RTN1: variants seen among roughly 807,000 people sequenced by gnomAD.
RTN1 encodes the protein reticulon 1.
A neutral mutation model predicts 65.5 loss-of-function variants in RTN1; 25 were observed. The ratio of observed to expected loss-of-function variants is 0.38; its 90% CI spans 0.28 to 0.53. The LOEUF is 0.53. Ranked by LOEUF, RTN1 falls within the 20% of genes least tolerant of loss-of-function variation. The pLI is 0.79. For synonymous variants in RTN1, 471 were observed against 447.6 expected (o/e 1.05, Z -0.66); for missense variants, 983 against 1,025.4 (o/e 0.96, Z 0.57).
rs528820466 is a variant in RTN1, at chr14:59,845,663, C to A, written c.241+24727G>T. 1.8e-4 allele frequency among the ~76,000 whole-genome samples: 28 copies of A among 152,306 alleles called. No homozygotes were observed. In the South Asian group the frequency reaches 5.6e-3, roughly 30 times the overall value. ...ATAAAATCTAAAGTTCCTACTATGGCCTGTTCACCAACCCATTCTCAGCTA... is the reference window on the plus strand; with the variant it reads ...ATAAAATCTAAAGTTCCTACTATGGACTGTTCACCAACCCATTCTCAGCTA... On this transcript the variant is annotated intron_variant, in intron 1 of 8. Coordinates refer to ENST00000267484, the MANE Select transcript of RTN1 (RefSeq NM_021136.3).
chr14:59,684,939 T>C (rs1024638718), intron 3 of RTN1, among the ~76,000 whole-genome samples: 5 of 152,058 alleles, frequency 3.3e-5, no homozygotes, highest in Non-Finnish European at 7.4e-5. Context: ...CCATTCTTTA[T>C]TCTCTCCACT....
intron 3 of RTN1, among the ~76,000 whole-genome samples, chr14:59,617,189 G>T (rs1236094578): frequency 6.6e-6 from 1 of 152,202 alleles, no homozygotes; most frequent in Admixed American, 6.5e-5. Flanking sequence ...ATTAAAGCCC[G>T]TTGGGGAATC....
intron 1 of RTN1, among the ~76,000 whole-genome samples, chr14:59,758,708 T>C (rs1432432801): frequency 2.0e-5 from 3 of 152,224 alleles, no homozygotes; most frequent in Non-Finnish European, 4.4e-5. Flanking sequence ...TTCTATATAC[T>C]TGTTAAGAAA....
At chr14:59,626,464 C>G (rs532954382) in intron 3 of RTN1, among the ~76,000 whole-genome samples, 1 of 152,314 alleles carries the variant, frequency 6.6e-6, no homozygotes, top group African/African-American at 2.4e-5. Context: ...ATCAACCATA[C>G]TACTAAGCAT....
rs1885300093 is a variant in RTN1, at chr14:59,749,134, A to ATATATATATC, written c.242-2654_242-2653insGATATATATA. On this transcript the variant is annotated intron_variant, in intron 1 of 8. Coordinates refer to ENST00000267484, the MANE Select transcript of RTN1 (RefSeq NM_021136.3). The stretch of plus-strand genomic sequence containing the variant: ...TATATATATATATATAGATATATCT[A>ATATATATATC]TATCTATCTATCTATCTATCTATAT... Among the ~76,000 whole-genome samples the ATATATATATC allele has an allele frequency of 4.6e-5, 3 of 64,938 alleles. 1 individual carries two copies. Among genetic ancestry groups the ATATATATATC allele is most frequent in the African/African-American group, 2.3e-4 (3 of 12,988 alleles). The allele number at this position is 64,938 out of a possible 152,430, so 42.6% of individuals were successfully genotyped here.
chr14:59,656,335 A>T (rs760347086), intron 3 of RTN1, among the ~76,000 whole-genome samples: 1 of 152,216 alleles, frequency 6.6e-6, no homozygotes, highest in Non-Finnish European at 1.5e-5. Context: ...AACTTTTAAA[A>T]GGGTATGTTT....
At chr14:59,754,959 A>G (rs2139534886) in intron 1 of RTN1, among the ~76,000 whole-genome samples, 1 of 152,300 alleles carries the variant, frequency 6.6e-6, no homozygotes, top group East Asian at 1.9e-4. Context: ...GAACGTGATG[A>G]TGCCTGACTT....
chr14:59,867,320 G>C (rs1420678974), intron 1 of RTN1, among the ~76,000 whole-genome samples: 1 of 152,170 alleles, frequency 6.6e-6, no homozygotes, highest in Non-Finnish European at 1.5e-5. Flanking sequence ...AAAGTTATTA[G>C]ATGATGGCAC....
intron 3 of RTN1, among the ~76,000 whole-genome samples, chr14:59,618,312 T>G (rs542558474): frequency 2.0e-5 from 3 of 152,240 alleles, no homozygotes; most frequent in African/African-American, 7.2e-5. Flanking sequence ...GATCAGTGCT[T>G]GAGATATTTT....
At position 59,768,830 on chromosome 14, in the gene RTN1, C is replaced by T. The variant is rs942234724; in HGVS notation, c.242-22349G>A. 2.0e-5 allele frequency among the ~76,000 whole-genome samples: 3 copies of T among 152,124 alleles called. 1 individual carries two copies. The highest frequency in any genetic ancestry group is 7.2e-5 in the African/African-American group (3 of 41,426). Reference sequence around the variant, plus strand: ...TAATAGCAGAGTATATGAGTTAACTCATTTAATCTTTAAAATGACCCTATA... The same window carrying T: ...TAATAGCAGAGTATATGAGTTAACTTATTTAATCTTTAAAATGACCCTATA... On this transcript the variant is annotated intron_variant, in intron 1 of 8. Coordinates refer to ENST00000267484, the MANE Select transcript of RTN1 (RefSeq NM_021136.3).
chr14:59,622,247 A>C (rs1882274499), intron 3 of RTN1, among the ~76,000 whole-genome samples: 1 of 152,216 alleles, frequency 6.6e-6, no homozygotes, highest in Admixed American at 6.5e-5. Context: ...AGGCTGAGGC[A>C]GGAGAATCAC....
chr14:59,658,745 C>G (rs1361113516), intron 3 of RTN1, among the ~76,000 whole-genome samples: 1 of 152,148 alleles, frequency 6.6e-6, no homozygotes, highest in East Asian at 1.9e-4. Context: ...ACATCAAAGA[C>G]CAAAGGTAGA....
intron 3 of RTN1, among the ~76,000 whole-genome samples, chr14:59,717,092 C>T (rs1884552267): frequency 6.6e-6 from 1 of 151,968 alleles, no homozygotes; most frequent in Non-Finnish European, 1.5e-5. Flanking sequence ...AAGCATCTTT[C>T]TGCTTTACTT....
In RTN1 at chr14:59,697,783, A is replaced by G. The variant is rs558921544; in HGVS notation, c.1765+29136T>C. On this transcript the variant is annotated intron_variant, in intron 3 of 8. Coordinates refer to ENST00000267484, the MANE Select transcript of RTN1 (RefSeq NM_021136.3). ...ACAAGTCAACAGCGTGATGTGGCTG[A>G]CAAACAGGTGATGTGTCTTCAGGTT... 2.0e-5 allele frequency among the ~76,000 whole-genome samples: 3 copies of G among 152,318 alleles called. No individual in the cohort carries two copies. The South Asian group carries it at 6.2e-4, about 32-fold the overall frequency.
At chr14:59,633,356 A>G (rs1882596232) in intron 3 of RTN1, among the ~76,000 whole-genome samples, 5 of 152,256 alleles carry the variant, frequency 3.3e-5, no homozygotes, top group Admixed American at 3.3e-4. Context: ...AATCACCTGT[A>G]TTGTAAAAGT....
intron 1 of RTN1, among the ~76,000 whole-genome samples, chr14:59,775,412 T>C (rs926297880): frequency 4.6e-5 from 7 of 152,154 alleles, no homozygotes; most frequent in Non-Finnish European, 8.8e-5. Flanking sequence ...AGAATTACTA[T>C]AGCTTAGACA....
intron 2 of RTN1, among the ~76,000 whole-genome samples, chr14:59,736,755 G>A (rs1427539602): frequency 1.3e-5 from 2 of 152,194 alleles, no homozygotes; most frequent in Non-Finnish European, 2.9e-5. Flanking sequence ...TATTGTTGAT[G>A]AACACTGATG....
In RTN1 at chr14:59,727,356, G is replaced by T; in HGVS notation, c.1328C>A (p.Ser443Ter). 2 of 1,508,922 alleles carry T rather than the reference G, an allele frequency of 1.3e-6. No individual in the cohort carries two copies. 93.5% of individuals were successfully genotyped at this position (1,508,922 alleles called of 1,614,324 possible). A position where few individuals can be genotyped will look rare whatever the true frequency, so the allele number is the denominator to read the frequency against. The change falls in exon 3 of 9, where the codon TCG (serine) becomes TAG (stop). Residue 443 changes from serine to a stop codon, truncating the protein, a stop_gained. Transcript: ENST00000267484. LOFTEE classifies it high-confidence loss of function. The surrounding 1 kb of genome is among the most constrained non-coding windows in gnomAD (Gnocchi z 4.2). ...GTACTGGATGGATGGCGAGGCGGGCGAGGGCGGCGGGCCGCCCACGTGGCC... is the reference window on the plus strand; with the variant it reads ...GTACTGGATGGATGGCGAGGCGGGCTAGGGCGGCGGGCCGCCCACGTGGCC... ...SFGHVGGPPPSPASPSIQYSI... is the reference protein window; with the variant it reads ...SFGHVGGPPP
intron 3 of RTN1, among the ~76,000 whole-genome samples, chr14:59,631,739 G>C (rs1260867323): frequency 6.6e-6 from 1 of 152,188 alleles, no homozygotes; most frequent in Non-Finnish European, 1.5e-5. Context: ...TGGAAAAGAA[G>C]GTACTGTTGG....
Sources: allele counts gnomAD v4.1 joint callset (sites outside exome capture counted in the v4.1 genomes callset), GRCh38; gene constraint gnomAD v4.1.1; non-coding constraint Gnocchi (gnomAD v3.1); transcripts MANE v1.5; gene names NCBI Gene and HGNC (gene_info 2026-07-23, HGNC 2026-07-21).